Variants in CCSER2 observed in about 807,000 individuals in gnomAD.
CCSER2 encodes the protein coiled-coil serine rich protein 2.
Under a neutral mutation model 92.3 loss-of-function variants are expected in CCSER2, and 46 were observed. The ratio of observed to expected loss-of-function variants is 0.50; its 90% CI spans 0.39 to 0.64. CCSER2 has a LOEUF of 0.64. Ranked by LOEUF, CCSER2 falls within the 30% of genes least tolerant of loss-of-function variation. The probability of loss-of-function intolerance (pLI) is 0.00; values close to 1 mark genes in which losing one functional copy is unlikely to be tolerated. For missense variants in CCSER2, 1,244 were observed against 1,238.9 expected, an observed-to-expected ratio of 1.00 and a Z score of -0.06; for synonymous variants, 433 against 431.4, an observed-to-expected ratio of 1.00 and a Z score of -0.04.
At chr10:84,341,979 T>C (rs1236056403) in intron 1 of CCSER2, among the ~76,000 whole-genome samples, 1 of 152,224 alleles carries the variant, frequency 6.6e-6, no homozygotes, top group African/African-American at 2.4e-5. Flanking sequence ...CCCTGTCCTT[T>C]TGGCCTTTTG....
At chr10:84,341,067 G>A (rs998944883) in intron 1 of CCSER2, among the ~76,000 whole-genome samples, 1 of 131,452 alleles carries the variant, frequency 7.6e-6, no homozygotes, top group African/African-American at 3.1e-5. Context: ...TTGAGACAGT[G>A]TCTTGTTCTG....
intron 3 of CCSER2, among the ~76,000 whole-genome samples, chr10:84,398,814 A>T (rs1277068592): frequency 5.9e-5 from 9 of 152,108 alleles, no homozygotes; most frequent in Admixed American, 2.0e-4. Flanking sequence ...TTCATAGGGT[A>T]TTCTTTGTGA....
chr10:84,379,880 G>A (rs558884960), intron 3 of CCSER2, among the ~76,000 whole-genome samples: 3 of 151,754 alleles, frequency 2.0e-5, no homozygotes, highest in Non-Finnish European at 4.4e-5. Context: ...ATTTTTCTCT[G>A]TTCCCCTGCT....
At chr10:84,447,617 T>C (rs1315274030) in intron 6 of CCSER2, among the ~76,000 whole-genome samples, 3 of 152,234 alleles carry the variant, frequency 2.0e-5, no homozygotes, top group South Asian at 2.1e-4. Flanking sequence ...CCTTTCTTGC[T>C]CTGAGGCCAT....
intron 9 of CCSER2, among the ~76,000 whole-genome samples, chr10:84,501,043 G>A (rs1848691693): frequency 6.6e-6 from 1 of 152,068 alleles, no homozygotes; most frequent in African/African-American, 2.4e-5. Flanking sequence ...TTTATGTGAT[G>A]TTCTTTAGTA....
intron 5 of CCSER2, among the ~76,000 whole-genome samples, chr10:84,432,561 C>A (rs974407352): frequency 1.3e-5 from 2 of 152,166 alleles, no homozygotes; most frequent in Admixed American, 6.5e-5. Context: ...GCTATTTGCC[C>A]ATTTTAAAAT....
At chr10:84,335,813 G>A (rs1004499673) in intron 1 of CCSER2, among the ~76,000 whole-genome samples, 4 of 152,142 alleles carry the variant, frequency 2.6e-5, no homozygotes, top group Admixed American at 2.6e-4. Flanking sequence ...GCCAGTGTTA[G>A]GGTTGGGAGT....
intron 3 of CCSER2, among the ~76,000 whole-genome samples, chr10:84,385,305 C>T (rs1841139505): frequency 6.6e-6 from 1 of 152,062 alleles, no homozygotes; most frequent in South Asian, 2.1e-4. Flanking sequence ...CCAAAACAAT[C>T]CTAAGCAAAC....
intron 5 of CCSER2, among the ~76,000 whole-genome samples, chr10:84,435,457 C>G (rs944526602): frequency 1.1e-4 from 16 of 152,304 alleles, no homozygotes; most frequent in African/African-American, 3.8e-4. Context: ...TATTCCCTTT[C>G]TAATGCTCTC....
chr10:84,482,602 TTATGA>T (rs1847521471), intron 9 of CCSER2, among the ~76,000 whole-genome samples: 1 of 152,238 alleles, frequency 6.6e-6, no homozygotes, highest in African/African-American at 2.4e-5. Flanking sequence ...TTGTAAAATC[TTATGA>T]TATGTACCTT....
At chr10:84,503,528 A>G (rs192150065) in intron 9 of CCSER2, among the ~76,000 whole-genome samples, 1 of 152,356 alleles carries the variant, frequency 6.6e-6, no homozygotes, top group East Asian at 1.9e-4. Context: ...ACCTCAGAGT[A>G]GGAAAATTTA....
intron 9 of CCSER2, among the ~76,000 whole-genome samples, chr10:84,503,309 C>T (rs934419956): frequency 5.9e-5 from 9 of 152,106 alleles, no homozygotes; most frequent in Admixed American, 3.3e-4. Flanking sequence ...TTTTGACTTA[C>T]ATTTCTTAAG....
At chr10:84,368,346 T>A (rs1472436439) in intron 1 of CCSER2, among the ~76,000 whole-genome samples, 6 of 152,136 alleles carry the variant, frequency 3.9e-5, no homozygotes, top group Non-Finnish European at 8.8e-5. Context: ...TTTAAATAGT[T>A]TTTTGTATTA....
chr10:84,422,947 C>T (rs999325804), intron 4 of CCSER2, among the ~76,000 whole-genome samples: 2 of 151,506 alleles, frequency 1.3e-5, no homozygotes, highest in East Asian at 1.9e-4. Context: ...CTCAGTTACT[C>T]GGGAGGCTGA....
At chr10:84,494,633 G>A (rs1389449510) in intron 9 of CCSER2, among the ~76,000 whole-genome samples, 1 of 152,172 alleles carries the variant, frequency 6.6e-6, no homozygotes, top group African/African-American at 2.4e-5. Context: ...TCCATCTTCT[G>A]TAGTATCCTT....
chr10:84,354,132 G>A (rs1845023936), intron 1 of CCSER2, among the ~76,000 whole-genome samples: 2 of 152,152 alleles, frequency 1.3e-5, no homozygotes, highest in Non-Finnish European at 2.9e-5. Context: ...CCAGGAGGTC[G>A]AGGCTGCGGT....
intron 1 of CCSER2, among the ~76,000 whole-genome samples, chr10:84,353,292 A>G (rs981176756): frequency 1.3e-5 from 2 of 151,988 alleles, no homozygotes; most frequent in Non-Finnish European, 2.9e-5. Context: ...CCTGTCTTCC[A>G]TGGGTGTTCC....
chr10:84,446,036 C>T (rs1844893572), intron 6 of CCSER2, among the ~76,000 whole-genome samples: 1 of 151,574 alleles, frequency 6.6e-6, no homozygotes, highest in Admixed American at 6.6e-5. Flanking sequence ...CAAAGGTTTT[C>T]TAAAGTAGTT....
chr10:84,472,020 T>C (rs892316787), intron 8 of CCSER2, among the ~76,000 whole-genome samples: 25 of 151,822 alleles, frequency 1.6e-4, no homozygotes, highest in African/African-American at 5.1e-4. Flanking sequence ...TTAAAGTAAT[T>C]AGTAGGTTGG....
Sources: gnomAD v4.1 joint callset for allele counts (sites outside exome capture counted in the v4.1 genomes callset) on GRCh38, gnomAD v4.1.1 for gene constraint, MANE v1.5 for transcripts, NCBI Gene and HGNC (gene_info 2026-07-23, HGNC 2026-07-21) for gene names.